TEX2: variants seen among roughly 807,000 people sequenced by gnomAD.
TEX2 encodes testis expressed 2.
A neutral mutation model predicts 106.9 loss-of-function variants in TEX2; 53 were observed. The observed-to-expected ratio is 0.50, with a 90% CI of 0.40 to 0.62. TEX2 has a LOEUF of 0.62. Ranked by LOEUF, TEX2 falls within the 20% of genes least tolerant of loss-of-function variation. TEX2 has a pLI of 0.00. For synonymous variants in TEX2, 523 were observed against 534.8 expected (o/e 0.98, Z 0.30); for missense variants, 1,207 against 1,379.0 (o/e 0.88, Z 1.98).
chr17:64,211,744 CATA>C (rs1555631576), intron 2 of TEX2, among the ~76,000 whole-genome samples: 2 of 152,178 alleles, frequency 1.3e-5, no homozygotes, highest in African/African-American at 2.4e-5. Context: ...GGATACTGTA[CATA>C]AATGTGTGTG....
At position 64,243,365 on chromosome 17, in the gene TEX2, G is replaced by A. The variant is rs1224029229; in HGVS notation, c.-26+19803C>T. 4.6e-5 allele frequency among the ~76,000 whole-genome samples: 7 copies of A among 152,148 alleles called. No individual in the cohort carries two copies. The East Asian group carries it at 1.3e-3, about 29-fold the overall frequency. ...GAATAACCAGGAAAATGAATACAGA[G>A]TTGGTACAGCTTTTTCAATAATAAA... On this transcript the variant is annotated intron_variant, in intron 1 of 11. Transcript: ENST00000584379.
intron 4 of TEX2, among the ~76,000 whole-genome samples, chr17:64,190,616 T>C (rs1444050085): frequency 1.3e-5 from 2 of 152,108 alleles, no homozygotes; most frequent in Admixed American, 6.6e-5. Context: ...TCATGGACAA[T>C]AGCCCCTGAT....
intron 1 of TEX2, among the ~76,000 whole-genome samples, chr17:64,230,222 C>T (rs1463268863): frequency 6.6e-6 from 1 of 151,664 alleles, no homozygotes; most frequent in Non-Finnish European, 1.5e-5. Context: ...TATGAGAAGG[C>T]ATGGTGGAAG....
At chr17:64,157,215 G>A (rs2030674336) in intron 8 of TEX2, among the ~76,000 whole-genome samples, 1 of 152,156 alleles carries the variant, frequency 6.6e-6, no homozygotes, top group Admixed American at 6.5e-5. Flanking sequence ...ACACTTACTT[G>A]TAGAAGACGT....
chr17:64,259,532 G>C (rs1555638250), intron 1 of TEX2, among the ~76,000 whole-genome samples: 1 of 152,292 alleles, frequency 6.6e-6, no homozygotes, highest in African/African-American at 2.4e-5. Context: ...TCCATGGCTC[G>C]TTAGCTCCTG....
At position 64,195,015 on chromosome 17, in the gene TEX2, C is replaced by T; in HGVS notation, c.1725G>A (p.Glu575=). 6.2e-7 allele frequency: 1 copy of T among 1,614,158 alleles called. No homozygotes were observed. Among genetic ancestry groups the T allele is most frequent in the Non-Finnish European group, 8.5e-7 (1 of 1,180,010 alleles). ...TLTHSVFVRL[E]GGTLRLSKPN... is the part of the protein sequence containing the mutation. ...GCTTTGAAAGTCTTAAGGTTCCACC[C>T]TCAAGTCGAACAAAGACTGAATGTG... The change falls in exon 3 of 12, where the codon GAG becomes GAA. Residue 575 remains glutamate, a synonymous_variant. Coordinates refer to ENST00000584379, the MANE Select transcript of TEX2 (RefSeq NM_001288732.2). The surrounding 1 kb of genome is among the most constrained non-coding windows in gnomAD (Gnocchi z 4.1).
At chr17:64,174,008 T>C (rs1167702847) in intron 6 of TEX2, among the ~76,000 whole-genome samples, 1 of 152,030 alleles carries the variant, frequency 6.6e-6, no homozygotes, top group African/African-American at 2.4e-5. Context: ...ACTACCACGC[T>C]TGGATAATTT....
chr17:64,171,254 CT>C, intron 6 of TEX2, 55 bp from the exon 7 acceptor site: 6 of 1,445,668 alleles, frequency 4.2e-6, no homozygotes, highest in Non-Finnish European at 5.8e-6. Flanking sequence ...ACAAAACATG[CT>C]GTTGCAAGTC....
At chr17:64,214,902 T>G (rs558100765) in intron 1 of TEX2, among the ~76,000 whole-genome samples, 1 of 152,358 alleles carries the variant, frequency 6.6e-6, no homozygotes, top group East Asian at 1.9e-4. Context: ...GAGGCAGCCA[T>G]GAGGACATGG....
intron 1 of TEX2, among the ~76,000 whole-genome samples, chr17:64,245,251 G>C (rs2033964976): frequency 6.6e-6 from 1 of 152,054 alleles, no homozygotes; most frequent in Non-Finnish European, 1.5e-5. Flanking sequence ...AACTCTATTT[G>C]CTATAATTTG....
intron 4 of TEX2, among the ~76,000 whole-genome samples, chr17:64,189,627 G>A (rs921392380): frequency 1.1e-4 from 17 of 152,088 alleles, no homozygotes; most frequent in Admixed American, 1.0e-3. Context: ...CATGGGATGC[G>A]CCTGATGCTA....
intron 1 of TEX2, among the ~76,000 whole-genome samples, chr17:64,260,356 A>G (rs1465923155): frequency 6.6e-6 from 1 of 152,248 alleles, no homozygotes; most frequent in Non-Finnish European, 1.5e-5. Flanking sequence ...TTGCTTGGAC[A>G]CAGGGTCTTA....
Position 64,217,262 on chromosome 17 carries a change from TCTCTC to T in TEX2, c.-25-3025_-25-3021del, listed in dbSNP as rs2033212817. Among the ~76,000 whole-genome samples, 1 of 152,098 alleles carries T rather than the reference TCTCTC, an allele frequency of 6.6e-6. No homozygotes were observed. On this transcript the variant is annotated intron_variant, in intron 1 of 11. Transcript: ENST00000584379. This position sits in a 1 kb window ranked among gnomAD's most constrained non-coding sequence, Gnocchi z 4.3. Reference sequence around the variant, plus strand: ...CTGGGGACCACTTCAAGTTCCCTCTTCTCTCTGTCCTCCCAGTGGCTGGCTGCTAA... The same window carrying T: ...CTGGGGACCACTTCAAGTTCCCTCTTTGTCCTCCCAGTGGCTGGCTGCTAA...
At chr17:64,193,230 C>T (rs1457979145) in intron 4 of TEX2, among the ~76,000 whole-genome samples, 4 of 152,224 alleles carry the variant, frequency 2.6e-5, no homozygotes, top group Admixed American at 6.5e-5. Flanking sequence ...CCTGAAGGAT[C>T]TCCCTGACTC....
At chr17:64,184,697 TGA>T (rs2032012129) in intron 5 of TEX2, among the ~76,000 whole-genome samples, 1 of 152,212 alleles carries the variant, frequency 6.6e-6, no homozygotes, top group African/African-American at 2.4e-5. Context: ...ATTTTACTCC[TGA>T]GAGTTTTATG....
intron 2 of TEX2, among the ~76,000 whole-genome samples, chr17:64,202,453 T>G (rs529532531): frequency 6.6e-6 from 1 of 152,196 alleles, no homozygotes; most frequent in Non-Finnish European, 1.5e-5. Context: ...AATTTCCCGG[T>G]GCAAACCTAA....
At chr17:64,236,863 T>G (rs2033779939) in intron 1 of TEX2, among the ~76,000 whole-genome samples, 1 of 152,246 alleles carries the variant, frequency 6.6e-6, no homozygotes, top group South Asian at 2.1e-4. Flanking sequence ...AACATTTTAA[T>G]GTAAGCCAAA....
rs1329652243 is a variant in TEX2 at position 64,213,704 on chromosome 17, T to C, written c.514A>G (p.Ile172Val). Residue 172 changes from isoleucine (I) to valine (V), a missense_variant, in exon 2 of 12, where the codon ATC becomes GTC. Physicochemically the swap from Ile to Val is conservative, Grantham distance 29 (BLOSUM62 3). Coordinates refer to ENST00000584379, the MANE Select transcript of TEX2 (RefSeq NM_001288732.2). The surrounding 1 kb of genome is among the most constrained non-coding windows in gnomAD (Gnocchi z 4.4). ...GAGGTTGAGGCACTGGATGAGAGGA[T>C]GGGAGACTTAGAAGGAGAGGACAAT... Reference protein sequence around the residue: ...SPLSSPSKSPILSSSASTSTL... With the variant: ...SPLSSPSKSPVLSSSASTSTL... 15 of 1,613,950 alleles carry C rather than the reference T, an allele frequency of 9.3e-6. No homozygotes were observed. Among genetic ancestry groups the C allele is most frequent in the Middle Eastern group, 1.6e-4 (1 of 6,084 alleles).
chr17:64,237,243 C>T (rs1256390737), intron 1 of TEX2, among the ~76,000 whole-genome samples: 32 of 150,764 alleles, frequency 2.1e-4, no homozygotes, highest in Admixed American at 2.0e-3. Context: ...CTGAGGCAGG[C>T]GCAGAGCCTC....
Sources: gnomAD v4.1 joint callset for allele counts (sites outside exome capture counted in the v4.1 genomes callset) on GRCh38, gnomAD v4.1.1 for gene constraint, Gnocchi (gnomAD v3.1) non-coding constraint, MANE v1.5 for transcripts, NCBI Gene and HGNC (gene_info 2026-07-23, HGNC 2026-07-21) for gene names.